The following LRRIQ3 variants were observed in gnomAD, a reference collection of about 807,000 sequenced individuals.
LRRIQ3 encodes the protein leucine-rich repeat and IQ domain-containing protein 3.
In LRRIQ3, 75 loss-of-function variants were observed where a neutral mutation model predicts 59.3. That is an observed-to-expected ratio of 1.26 (90% CI 1.05 to 1.53). The LOEUF (loss-of-function observed/expected upper bound fraction) is 1.53. Ranked by LOEUF, LRRIQ3 falls within the 40% of genes most tolerant of loss-of-function variation. The pLI, the probability that LRRIQ3 is intolerant of heterozygous loss-of-function variation, is 0.00. For missense variants in LRRIQ3, 831 were observed against 710.0 expected (o/e 1.17, Z -1.94); for synonymous variants, 250 against 231.3 (o/e 1.08, Z -0.73).
Position 74,198,154 on chromosome 1 carries a change from C to A in LRRIQ3, c.-159G>T. On this transcript the variant is annotated 5_prime_UTR_variant, in exon 1 of 8. Coordinates refer to ENST00000354431, the MANE Select transcript of LRRIQ3 (RefSeq NM_001105659.2). ...ACATCATGGTTTTCCGGGCGCCAGC[C>A]AAGGCGCTCCGGGGGCGTGGTTACG... 1 of 1,504,830 alleles carries A rather than the reference C, an allele frequency of 6.6e-7. No individual in the cohort carries two copies. Among genetic ancestry groups the A allele is most frequent in the South Asian group, 1.3e-5 (1 of 77,008 alleles). The allele number at this position is 1,504,830 out of a possible 1,614,324, so 93.2% of individuals were successfully genotyped here.
chr1:74,087,032 G>A (rs1646334194), intron 5 of LRRIQ3, among the ~76,000 whole-genome samples: 1 of 151,894 alleles, frequency 6.6e-6, no homozygotes, highest in African/African-American at 2.4e-5. Flanking sequence ...CTAACATTTG[G>A]TTGCTTATAT....
At chr1:74,164,976 T>C (rs541579542) in intron 3 of LRRIQ3, among the ~76,000 whole-genome samples, 2 of 151,570 alleles carry the variant, frequency 1.3e-5, no homozygotes, top group Non-Finnish European at 3.0e-5. Flanking sequence ...TTGGACATAT[T>C]GCATGAACCT....
chr1:74,042,417 T>C (rs958414742), intron 6 of LRRIQ3, among the ~76,000 whole-genome samples: 4 of 152,156 alleles, frequency 2.6e-5, no homozygotes, highest in Non-Finnish European at 5.9e-5. Flanking sequence ...TGATTGGTTA[T>C]GGTTCAATTT....
chr1:74,108,073 C>T (rs1318695591), intron 5 of LRRIQ3, among the ~76,000 whole-genome samples: 11 of 151,608 alleles, frequency 7.3e-5, no homozygotes, highest in Non-Finnish European at 1.5e-4. Flanking sequence ...ATTTCATGCA[C>T]ATATATATTT....
At chr1:74,190,404 A>T (rs1650684208) in intron 1 of LRRIQ3, among the ~76,000 whole-genome samples, 1 of 152,062 alleles carries the variant, frequency 6.6e-6, no homozygotes, top group Non-Finnish European at 1.5e-5. Flanking sequence ...AGTAGATGGG[A>T]CATGACTGAT....
chr1:74,109,092 T>C (rs1570128081), intron 5 of LRRIQ3: 1 of 192,598 alleles, frequency 5.2e-6, no homozygotes, highest in Non-Finnish European at 1.0e-5. Flanking sequence ...TATTTATGTT[T>C]TCAATCACTG....
intron 5 of LRRIQ3, among the ~76,000 whole-genome samples, chr1:74,099,369 C>T (rs1002099960): frequency 1.3e-5 from 2 of 152,126 alleles, no homozygotes; most frequent in African/African-American, 4.8e-5. Context: ...GAAGCTGAAT[C>T]CCTGAATAGA....
intron 3 of LRRIQ3, among the ~76,000 whole-genome samples, chr1:74,165,191 C>G (rs199811679): frequency 6.6e-6 from 1 of 151,510 alleles, no homozygotes; most frequent in Non-Finnish European, 1.5e-5. Context: ...ACTACATCTA[C>G]AATCTTATGG....
In LRRIQ3 at chr1:74,142,412, A is replaced by G. The variant is rs147829211; in HGVS notation, c.707+13321T>C. ...ATTCTCCTCCTAATAGTGTTTACCT[A>G]CTTTCCCAAAGCAGAGTTAATCACA... On this transcript the variant is annotated intron_variant, in intron 4 of 7. Transcript: ENST00000354431. 7.9e-5 allele frequency among the ~76,000 whole-genome samples: 12 copies of G among 152,062 alleles called. No homozygotes were observed. The East Asian group carries it at 1.7e-3, about 22-fold the overall frequency.
intron 5 of LRRIQ3, chr1:74,084,017 G>A: frequency 5.5e-6 from 3 of 541,242 alleles, no homozygotes. Flanking sequence ...GCTAGCTTGA[G>A]TGAATTACTA....
chr1:74,061,808 G>T (rs1281527621), intron 6 of LRRIQ3, among the ~76,000 whole-genome samples: 1 of 152,142 alleles, frequency 6.6e-6, no homozygotes, highest in Non-Finnish European at 1.5e-5. Flanking sequence ...GCCTAGTCCG[G>T]TGAATTGCTT....
intron 5 of LRRIQ3, among the ~76,000 whole-genome samples, chr1:74,104,481 T>C (rs1646581217): frequency 6.6e-6 from 1 of 152,022 alleles, no homozygotes; most frequent in East Asian, 1.9e-4. Context: ...CAATGGAATA[T>C]TATTCAGTGC....
chr1:74,129,316 C>A (rs1212038681), intron 4 of LRRIQ3, among the ~76,000 whole-genome samples: 1 of 152,060 alleles, frequency 6.6e-6, no homozygotes, highest in African/African-American at 2.4e-5. Context: ...TTCCCTACTT[C>A]CCTCCTCTAC....
intron 4 of LRRIQ3, among the ~76,000 whole-genome samples, chr1:74,138,901 A>T (rs1320774706): frequency 6.6e-6 from 1 of 151,466 alleles, no homozygotes; most frequent in African/African-American, 2.4e-5. Flanking sequence ...AAAATAGGAG[A>T]GTGGCTGGGC....
chr1:74,109,255 T>C (rs192065411), intron 5 of LRRIQ3, 139 bp downstream of exon 5: 47 of 708,412 alleles, frequency 6.6e-5, no homozygotes, highest in Non-Finnish European at 1.1e-4. Context: ...CTTTTTTCAA[T>C]CAAAAAATAT....
chr1:74,167,843 T>A (rs1180120413), intron 3 of LRRIQ3, among the ~76,000 whole-genome samples: 1 of 151,856 alleles, frequency 6.6e-6, no homozygotes, highest in African/African-American at 2.4e-5. Flanking sequence ...AAAGAATTCC[T>A]CCTTGACTAA....
At chr1:74,067,935 T>C (rs1654913318) in intron 6 of LRRIQ3, among the ~76,000 whole-genome samples, 1 of 152,114 alleles carries the variant, frequency 6.6e-6, no homozygotes. Flanking sequence ...GCTACTTTTC[T>C]GAGCTCTCTT....
intron 7 of LRRIQ3, among the ~76,000 whole-genome samples, chr1:74,033,171 T>C (rs1200269799): frequency 6.6e-6 from 1 of 152,006 alleles, no homozygotes; most frequent in Non-Finnish European, 1.5e-5. Context: ...ATAAAATTAA[T>C]ATTGGCATAA....
chr1:74,178,579 T>C (rs1649785676), intron 3 of LRRIQ3, among the ~76,000 whole-genome samples: 2 of 152,302 alleles, frequency 1.3e-5, no homozygotes, highest in Non-Finnish European at 2.9e-5. Flanking sequence ...CCTTAAAATA[T>C]CAACCTTGTA....
Sources: gnomAD v4.1 joint callset for allele counts (sites outside exome capture counted in the v4.1 genomes callset) on GRCh38, gnomAD v4.1.1 for gene constraint, MANE v1.5 for transcripts, NCBI Gene and HGNC (gene_info 2026-07-23, HGNC 2026-07-21) for gene names.